CCDC171: variants seen among roughly 807,000 people sequenced by gnomAD.
CCDC171 encodes coiled-coil domain containing 171.
A neutral mutation model predicts 168.2 loss-of-function variants in CCDC171; 177 were observed. The observed-to-expected ratio is 1.05, with a 90% confidence interval of 0.93 to 1.19. CCDC171 has a LOEUF of 1.19. CCDC171 is among the 50% of genes most tolerant of loss of function. CCDC171 has a pLI of 0.00. For missense variants in CCDC171, 1,991 were observed against 1,539.0 expected (o/e 1.29, Z -4.91); for synonymous variants, 687 against 540.8 (o/e 1.27, Z -3.75).
At chr9:15,854,957 C>A (rs2061290931) in intron 23 of CCDC171, among the ~76,000 whole-genome samples, 1 of 151,540 alleles carries the variant, frequency 6.6e-6, no homozygotes, top group South Asian at 2.1e-4. Flanking sequence ...CATTTGATTT[C>A]TATCCTTTTT....
Position 15,926,556 on chromosome 9 carries a change from G to A in CCDC171, c.3753+6134G>A, listed in dbSNP as rs1425349956. ...CTACTCTCAAAACTATTAACCAGCT[G>A]CCATTTTCCCCTTCTCACAGAAGGC... On this transcript the variant is annotated intron_variant, in intron 25 of 25. Coordinates refer to ENST00000380701, the MANE Select transcript of CCDC171 (RefSeq NM_173550.4). Among the ~76,000 whole-genome samples the A allele has an allele frequency of 5.3e-5, 8 of 151,632 alleles. No homozygotes were observed. In the South Asian group the frequency reaches 1.5e-3, roughly 28 times the overall value.
At chr9:15,563,484 G>A (rs2039480784) in intron 1 of CCDC171, among the ~76,000 whole-genome samples, 1 of 152,072 alleles carries the variant, frequency 6.6e-6, no homozygotes, top group Non-Finnish European at 1.5e-5. Context: ...AGAAAAATGG[G>A]ATAATCCTTA....
chr9:15,643,540 C>T (rs901090195), intron 7 of CCDC171, among the ~76,000 whole-genome samples: 5 of 152,130 alleles, frequency 3.3e-5, no homozygotes, highest in Non-Finnish European at 2.9e-5. Context: ...ACATTCCAAT[C>T]AGGGATTCTT....
intron 4 of CCDC171, among the ~76,000 whole-genome samples, chr9:15,590,590 G>GT (rs1554692761): frequency 6.6e-6 from 1 of 152,150 alleles, no homozygotes; most frequent in Non-Finnish European, 1.5e-5. Flanking sequence ...AAAGTAAATA[G>GT]TTACAGTTCT....
chr9:15,738,717 T>C (rs1435383377), intron 16 of CCDC171, among the ~76,000 whole-genome samples: 1 of 152,142 alleles, frequency 6.6e-6, no homozygotes, highest in Non-Finnish European at 1.5e-5. Context: ...AATAATGCAA[T>C]ACCTCTGAAA....
intron 1 of CCDC171, among the ~76,000 whole-genome samples, chr9:16,046,088 G>C (rs1362320254): frequency 6.6e-6 from 1 of 152,140 alleles, no homozygotes; most frequent in Non-Finnish European, 1.5e-5. Context: ...CAGTTATTGA[G>C]GGCAAAGTCC....
At chr9:16,008,431 G>C (rs964301907) in intron 3 of CCDC171, among the ~76,000 whole-genome samples, 1 of 152,134 alleles carries the variant, frequency 6.6e-6, no homozygotes, top group Non-Finnish European at 1.5e-5. Flanking sequence ...TGACTATAGA[G>C]GTTATCCCTC....
chr9:15,712,246 T>A (rs1455287776), intron 11 of CCDC171, among the ~76,000 whole-genome samples: 1 of 152,230 alleles, frequency 6.6e-6, no homozygotes, highest in Non-Finnish European at 1.5e-5. Context: ...CCAGAAATAG[T>A]GTTTAACCAC....
At chr9:15,825,921 C>T (rs999307773) in intron 21 of CCDC171, among the ~76,000 whole-genome samples, 1 of 152,088 alleles carries the variant, frequency 6.6e-6, no homozygotes, top group Admixed American at 6.6e-5. Flanking sequence ...TGAAATAATA[C>T]TCCATAGACT....
intron 23 of CCDC171, among the ~76,000 whole-genome samples, chr9:15,872,092 C>G (rs987445850): frequency 1.3e-5 from 2 of 151,840 alleles, no homozygotes; most frequent in Non-Finnish European, 2.9e-5. Context: ...TATCATGGGT[C>G]TCTCACTCTT....
chr9:15,793,274 C>G lies in CCDC171; in HGVS notation c.3267+8580C>G, dbSNP rs574503227. Among the ~76,000 whole-genome samples, 249 of 152,078 alleles carry G rather than the reference C, an allele frequency of 1.6e-3. 1 individual carries two copies. The highest frequency in any genetic ancestry group is 5.1e-3 in the African/African-American group (213 of 41,492). ...GGATCAATTCAACAAGAAGAGCTAA[C>G]TATCCTAAATATATATGCACCCAAT... On this transcript the variant is annotated intron_variant, in intron 21 of 25. Coordinates refer to ENST00000380701, the MANE Select transcript of CCDC171 (RefSeq NM_173550.4).
intron 24 of CCDC171, among the ~76,000 whole-genome samples, chr9:15,908,902 C>G (rs765465568): frequency 2.6e-5 from 4 of 152,104 alleles, no homozygotes; most frequent in South Asian, 2.1e-4. Flanking sequence ...CCCACCAGGT[C>G]CCGCTTCCAG....
the CCDC171 span, among the ~76,000 whole-genome samples, chr9:16,077,281 G>A: frequency 6.6e-6 from 1 of 152,120 alleles, no homozygotes; most frequent in Admixed American, 6.5e-5. Flanking sequence ...TACATGGTGG[G>A]CAAATAAGCC....
intron 6 of CCDC171, among the ~76,000 whole-genome samples, chr9:16,026,292 A>G (rs1253265274): frequency 6.6e-6 from 1 of 152,138 alleles, no homozygotes; most frequent in South Asian, 2.1e-4. Context: ...TCAACCAGTC[A>G]TTACCTATTC....
At chr9:15,954,974 A>G (rs1051745634) in intron 25 of CCDC171, among the ~76,000 whole-genome samples, 3 of 152,212 alleles carry the variant, frequency 2.0e-5, no homozygotes, top group Non-Finnish European at 4.4e-5. Context: ...TGAATGAGCC[A>G]TAGTTTCCTG....
At position 15,809,392 on chromosome 9, in the gene CCDC171, T is replaced by G. The variant is rs914367179; in HGVS notation, c.3267+24698T>G. ...TCCTCAGTCTCACTGTGTCTGAAAT[T>G]GGTGGGTTCCTGGTCTCACTGACTT... is the stretch of plus-strand genomic sequence containing the variant. On this transcript the variant is annotated intron_variant, in intron 21 of 25. Coordinates refer to ENST00000380701, the MANE Select transcript of CCDC171 (RefSeq NM_173550.4). Among the ~76,000 whole-genome samples the G allele has an allele frequency of 5.3e-5, 8 of 152,282 alleles. No individual in the cohort carries two copies. In the East Asian group the frequency reaches 7.7e-4, roughly 15 times the overall value.
At chr9:15,928,606 G>T (rs1295623793) in intron 25 of CCDC171, among the ~76,000 whole-genome samples, 1 of 151,470 alleles carries the variant, frequency 6.6e-6, no homozygotes, top group Non-Finnish European at 1.5e-5. Context: ...AAATTCACCT[G>T]CATTTTATGT....
At chr9:15,934,126 C>A (rs1589166753) in intron 25 of CCDC171, among the ~76,000 whole-genome samples, 1 of 151,694 alleles carries the variant, frequency 6.6e-6, no homozygotes, top group Non-Finnish European at 1.5e-5. Context: ...ACAGCTAATT[C>A]TCCATAGAAG....
chr9:15,953,708 G>T (rs923086542), intron 25 of CCDC171, among the ~76,000 whole-genome samples: 13 of 152,048 alleles, frequency 8.5e-5, no homozygotes, highest in African/African-American at 2.4e-4. Flanking sequence ...ATTTGGAAGT[G>T]TTCCCTTTTC....
Sources: allele counts gnomAD v4.1 joint callset (sites outside exome capture counted in the v4.1 genomes callset), GRCh38; gene constraint gnomAD v4.1.1; transcripts MANE v1.5; gene names NCBI Gene and HGNC (gene_info 2026-07-23, HGNC 2026-07-21).